The following TSPAN5 variants were observed in gnomAD, a reference collection of about 807,000 sequenced individuals.
TSPAN5 encodes tetraspanin-5.
Under a neutral mutation model 37.1 loss-of-function variants are expected in TSPAN5, and 10 were observed. The observed-to-expected ratio is 0.27, with a 90% CI of 0.17 to 0.46. The LOEUF (loss-of-function observed/expected upper bound fraction) is 0.46, where lower values mean the gene tolerates loss of function less well. Ranked by LOEUF, TSPAN5 falls within the 20% of genes least tolerant of loss-of-function variation. The pLI is 1.00. For missense variants in TSPAN5, 195 were observed against 326.6 expected, an observed-to-expected ratio of 0.60 and a Z score of 3.11; for synonymous variants, 110 against 118.9, an observed-to-expected ratio of 0.93 and a Z score of 0.48.
intron 1 of TSPAN5, among the ~76,000 whole-genome samples, chr4:98,632,527 G>T (rs1756770904): frequency 6.6e-6 from 1 of 152,166 alleles, no homozygotes; most frequent in South Asian, 2.1e-4. Context: ...GACTTCAGGG[G>T]TATACCAGCA....
At chr4:98,484,407 C>G (rs1001826188) in intron 3 of TSPAN5, 7 of 455,496 alleles carry the variant, frequency 1.5e-5, no homozygotes, top group Admixed American at 9.4e-5. Context: ...ACCTTCTGTT[C>G]GAAGATTATT....
At chr4:98,625,250 A>C (rs1056389044) in intron 1 of TSPAN5, among the ~76,000 whole-genome samples, 4 of 152,160 alleles carry the variant, frequency 2.6e-5, no homozygotes, top group African/African-American at 9.7e-5. Flanking sequence ...AAATTCAAAA[A>C]ATTGCAACCT....
chr4:98,491,522 A>G (rs1753085010), intron 2 of TSPAN5, among the ~76,000 whole-genome samples: 1 of 152,078 alleles, frequency 6.6e-6, no homozygotes, highest in African/African-American at 2.4e-5. Context: ...ACCCAGTCTC[A>G]ACTAAAAATA....
intron 1 of TSPAN5, among the ~76,000 whole-genome samples, chr4:98,547,437 T>C (rs1372901540): frequency 6.6e-6 from 1 of 152,162 alleles, no homozygotes; most frequent in African/African-American, 2.4e-5. Context: ...TCCATTTTAT[T>C]AGAGGCTCAT....
Position 98,528,414 on chromosome 4 carries a change from A to ATTTT in TSPAN5, c.82-20690_82-20687dup, listed in dbSNP as rs10680446. Among the ~76,000 whole-genome samples, 597 of 143,764 alleles carry ATTTT rather than the reference A, an allele frequency of 4.2e-3. 7 individuals carry two copies. Among genetic ancestry groups the ATTTT allele is most frequent in the African/African-American group, 6.9e-3 (271 of 39,432 alleles). 94.3% of individuals were successfully genotyped at this position (143,764 alleles called of 152,430 possible). On this transcript the variant is annotated intron_variant, in intron 1 of 7. Transcript: ENST00000305798. ...CCAAAATAATTAAATGTAACAGATG[A>ATTTT]TTTTTTTTTTTTTTTTTGCTGTCAC...
intron 2 of TSPAN5, among the ~76,000 whole-genome samples, chr4:98,487,829 C>A (rs74975049): frequency 0.012 from 1,770 of 152,214 alleles, 14 homozygotes; most frequent in South Asian, 0.022. Flanking sequence ...CAAAAAATGA[C>A]ATTTCTTTAC....
At chr4:98,591,923 G>A (rs1755643574) in intron 1 of TSPAN5, among the ~76,000 whole-genome samples, 1 of 151,128 alleles carries the variant, frequency 6.6e-6, no homozygotes, top group Admixed American at 6.6e-5. Context: ...TTTTTAAAAA[G>A]AACAATGTTG....
intron 1 of TSPAN5, 27 bp downstream of exon 1, chr4:98,658,119 T>C: frequency 6.3e-7 from 1 of 1,594,408 alleles, no homozygotes; most frequent in Non-Finnish European, 8.6e-7. Context: ...CCACAATAGT[T>C]GGAATCCCAG....
In TSPAN5 at chr4:98,515,025, TA is replaced by T. The variant is rs368287506; in HGVS notation, c.82-7298del. 1.9e-3 allele frequency among the ~76,000 whole-genome samples: 292 copies of T among 152,214 alleles called. 1 individual carries two copies. Among genetic ancestry groups the T allele is most frequent in the Non-Finnish European group, 3.4e-3 (230 of 68,002 alleles). Reference sequence around the variant, plus strand: ...CAGAGCAAATAACAGAGGTCTTCACTAAGAAAGTGACATATAAGCAAAAACA... The same window carrying T: ...CAGAGCAAATAACAGAGGTCTTCACTAGAAAGTGACATATAAGCAAAAACA... On this transcript the variant is annotated intron_variant, in intron 1 of 7. Coordinates refer to ENST00000305798, the MANE Select transcript of TSPAN5 (RefSeq NM_005723.4).
At chr4:98,579,365 G>T (rs1175520331) in intron 1 of TSPAN5, among the ~76,000 whole-genome samples, 1 of 152,120 alleles carries the variant, frequency 6.6e-6, no homozygotes, top group Non-Finnish European at 1.5e-5. Context: ...CCAGAGCAAG[G>T]TACATTTCTG....
At chr4:98,548,028 GA>G (rs983265425) in intron 1 of TSPAN5, among the ~76,000 whole-genome samples, 32 of 135,132 alleles carry the variant, frequency 2.4e-4, no homozygotes, top group Middle Eastern at 3.8e-3. Flanking sequence ...AAAAAAAAAA[GA>G]AAAAGAAAAA....
chr4:98,558,234 C>T (rs1003048256), intron 1 of TSPAN5, among the ~76,000 whole-genome samples: 7 of 150,248 alleles, frequency 4.7e-5, no homozygotes, highest in Non-Finnish European at 1.0e-4. Flanking sequence ...AATGCTCATA[C>T]ATTTATTTCT....
intron 2 of TSPAN5, among the ~76,000 whole-genome samples, chr4:98,507,366 G>A (rs1392833578): frequency 1.3e-5 from 2 of 152,166 alleles, no homozygotes; most frequent in East Asian, 3.8e-4. Flanking sequence ...ATCATTACTG[G>A]AATTCTTGTG....
intron 1 of TSPAN5, among the ~76,000 whole-genome samples, chr4:98,625,996 T>A (rs1418271366): frequency 6.6e-6 from 1 of 152,218 alleles, no homozygotes; most frequent in Admixed American, 6.5e-5. Context: ...TCTAAAGGAT[T>A]TTCCATAAAC....
chr4:98,506,977 G>C (rs1255843672), intron 2 of TSPAN5, among the ~76,000 whole-genome samples: 1 of 152,220 alleles, frequency 6.6e-6, no homozygotes, highest in Admixed American at 6.5e-5. Flanking sequence ...CGATGGGAAG[G>C]AGAGGTGTGG....
rs1256393510 is a variant in TSPAN5 at position 98,658,417 on chromosome 4, G to A, written c.-191C>T. ...CTCCCGCACCTCCAGCCCCTCGCGC[G>A]CCGAGGCCGCCGGAGCCGGGGTGGC... On this transcript the variant is annotated 5_prime_UTR_variant, in exon 1 of 8. Coordinates refer to ENST00000305798, the MANE Select transcript of TSPAN5 (RefSeq NM_005723.4). The A allele has an allele frequency of 2.1e-5, 7 of 339,682 alleles. No homozygotes were observed. Among genetic ancestry groups the A allele is most frequent in the Admixed American group, 9.9e-5 (2 of 20,254 alleles). The allele number at this position is 339,682 out of a possible 1,614,324, so 21.0% of individuals were successfully genotyped here.
At chr4:98,476,101 C>T in intron 7 of TSPAN5, 88 bp downstream of exon 7, 3 of 972,372 alleles carry the variant, frequency 3.1e-6, no homozygotes, top group South Asian at 1.5e-5. Context: ...CTATGACAAT[C>T]AAGGTTTTTA....
chr4:98,521,338 A>G (rs13108940), intron 1 of TSPAN5, among the ~76,000 whole-genome samples: 118,750 of 152,154 alleles, frequency 0.78, 47,153 homozygotes, highest in African/African-American at 0.93. Flanking sequence ...GGTCAGGGAG[A>G]CTTACTGCCC....
intron 2 of TSPAN5, among the ~76,000 whole-genome samples, chr4:98,496,992 C>A (rs937448906): frequency 2.6e-5 from 4 of 152,168 alleles, no homozygotes; most frequent in South Asian, 4.2e-4. Context: ...TGGAAGATGT[C>A]ATGAGGGTGG....
Sources: gnomAD v4.1 joint callset for allele counts (sites outside exome capture counted in the v4.1 genomes callset) on GRCh38, gnomAD v4.1.1 for gene constraint, MANE v1.5 for transcripts, NCBI Gene and HGNC (gene_info 2026-07-23, HGNC 2026-07-21) for gene names.